The following SASH1 variants were observed in gnomAD, a reference collection of about 807,000 sequenced individuals.
SASH1 encodes SAM and SH3 domain-containing protein 1.
In SASH1, 44 loss-of-function variants were observed where a neutral mutation model predicts 125.2. The ratio of observed to expected loss-of-function variants is 0.35; its 90% CI spans 0.28 to 0.45. The LOEUF (loss-of-function observed/expected upper bound fraction) is 0.45, where lower values mean the gene tolerates loss of function less well. SASH1 is among the 20% of genes least tolerant of loss of function. The pLI is 1.00. For missense variants in SASH1, 1,426 were observed against 1,614.5 expected (o/e 0.88, Z 2.00); for synonymous variants, 639 against 649.1 (o/e 0.98, Z 0.24).
At chr6:148,433,818 G>C (rs930829144) in intron 2 of SASH1, among the ~76,000 whole-genome samples, 2 of 151,948 alleles carry the variant, frequency 1.3e-5, no homozygotes, top group African/African-American at 2.4e-5. Context: ...ATTGTTATCA[G>C]AGTTAACTTT....
At position 148,476,651 on chromosome 6, in the gene SASH1, A is replaced by G. The variant is rs141397305; in HGVS notation, c.627+2429A>G. Among the ~76,000 whole-genome samples, 187 of 152,258 alleles carry G rather than the reference A, an allele frequency of 1.2e-3. 1 individual carries two copies. The highest frequency in any genetic ancestry group is 4.4e-3 in the African/African-American group (182 of 41,560). On this transcript the variant is annotated intron_variant, in intron 7 of 19. Transcript: ENST00000367467. ...GCCAAGATCATGCCGTTGAACTCCAACGTGGGCGAGAGTGAGAATCCATCC... is the reference window on the plus strand; with the variant it reads ...GCCAAGATCATGCCGTTGAACTCCAGCGTGGGCGAGAGTGAGAATCCATCC...
At chr6:148,327,939 TAAA>T (rs569288406) in intron 1 of SASH1, among the ~76,000 whole-genome samples, 17 of 121,276 alleles carry the variant, frequency 1.4e-4, no homozygotes, top group Non-Finnish European at 1.6e-4. Context: ...AGACTCTGTC[TAAA>T]AAAAAAAAAA....
chr6:148,270,013 A>G (rs867235162), upstream of SASH1, among the ~76,000 whole-genome samples: 41 of 148,322 alleles, frequency 2.8e-4, no homozygotes, highest in African/African-American at 9.3e-4. Flanking sequence ...CCATAGACCG[A>G]TATACACTGA....
chr6:148,531,706 ATC>A (rs1322093423), intron 13 of SASH1, 45 bp downstream of exon 13: 1 of 1,456,990 alleles, frequency 6.9e-7, no homozygotes, highest in South Asian at 1.5e-5. Context: ...TGGAGTTAAT[ATC>A]TGACATATAC....
At chr6:148,250,189 C>A in the SASH1 span, among the ~76,000 whole-genome samples, 1 of 152,128 alleles carries the variant, frequency 6.6e-6, no homozygotes, top group Admixed American at 6.5e-5. Flanking sequence ...GGGCACAACA[C>A]CTGGGCATAT....
chr6:148,428,521 C>T (rs927472087), intron 2 of SASH1, among the ~76,000 whole-genome samples: 4 of 147,908 alleles, frequency 2.7e-5, no homozygotes, highest in East Asian at 2.0e-4. Context: ...CCCAGCTACT[C>T]GGGAGGCTGA....
At chr6:148,445,122 C>T (rs6904408) in intron 4 of SASH1, among the ~76,000 whole-genome samples, 64,151 of 151,996 alleles carry the variant, frequency 0.42, 13,766 homozygotes, top group South Asian at 0.68. Context: ...TCACTTTCAT[C>T]GCCATCTTGG....
At chr6:148,354,501 CTT>C (rs1286711727) in intron 1 of SASH1, among the ~76,000 whole-genome samples, 3 of 151,972 alleles carry the variant, frequency 2.0e-5, no homozygotes, top group Admixed American at 6.6e-5. Context: ...TTTGTAGACT[CTT>C]TTCCCAGGGT....
chr6:148,516,017 A>G (rs1780415089), intron 9 of SASH1, among the ~76,000 whole-genome samples: 1 of 152,224 alleles, frequency 6.6e-6, no homozygotes, highest in Non-Finnish European at 1.5e-5. Context: ...CTAAAAATAC[A>G]GACATTGTAA....
chr6:148,299,559 C>G (rs2495948), intron 1 of SASH1, among the ~76,000 whole-genome samples: 10,514 of 151,012 alleles, frequency 0.07, 421 homozygotes, highest in African/African-American at 0.12. Context: ...CCCAGCTACT[C>G]GGGGGGCTCA....
chr6:148,390,657 G>GCA (rs1783668615), intron 2 of SASH1, among the ~76,000 whole-genome samples: 2 of 152,012 alleles, frequency 1.3e-5, no homozygotes, highest in South Asian at 2.1e-4. Flanking sequence ...GCGTGGTGAT[G>GCA]GGTGCCTGTA....
chr6:148,272,513 A>G (rs566272712), intron 1 of SASH1: 24 of 340,512 alleles, frequency 7.0e-5, no homozygotes, highest in Non-Finnish European at 1.6e-4. Context: ...TTTCAGTGCT[A>G]CTGATGAATT....
At chr6:148,445,809 T>C (rs1324077205) in intron 4 of SASH1, among the ~76,000 whole-genome samples, 2 of 152,176 alleles carry the variant, frequency 1.3e-5, no homozygotes, top group Admixed American at 6.5e-5. Context: ...GCCACTCATT[T>C]CCTCGTGCAG....
In SASH1 at chr6:148,377,202, AAAAC is replaced by A. The variant is rs1782947825; in HGVS notation, c.157-12928_157-12925del. On this transcript the variant is annotated intron_variant, in intron 1 of 19. Transcript: ENST00000367467. Reference sequence around the variant, plus strand: ...AAAAAAACAAAAAAAAAACAAAAAAAAAACAAAACAAACAAACAAACAAAAAAAA... The same window carrying A: ...AAAAAAACAAAAAAAAAACAAAAAAAAAAACAAACAAACAAACAAAAAAAA... 7.3e-5 allele frequency among the ~76,000 whole-genome samples: 6 copies of A among 81,844 alleles called. No individual in the cohort carries two copies. In the South Asian group the frequency reaches 1.6e-3, roughly 22 times the overall value. The allele number at this position is 81,844 out of a possible 152,430, so 53.7% of individuals were successfully genotyped here. A position where few individuals can be genotyped will look rare whatever the true frequency, so the allele number is the denominator to read the frequency against.
At chr6:148,434,873 T>G (rs1177620435) in intron 2 of SASH1, among the ~76,000 whole-genome samples, 2 of 152,162 alleles carry the variant, frequency 1.3e-5, no homozygotes, top group Non-Finnish European at 1.5e-5. Flanking sequence ...AATATGCTTT[T>G]TCCAAGCAAA....
intron 1 of SASH1, among the ~76,000 whole-genome samples, chr6:148,279,486 TC>T (rs1352830846): frequency 2.0e-5 from 3 of 152,194 alleles, no homozygotes; most frequent in Non-Finnish European, 4.4e-5. Context: ...CCCGTTAGGT[TC>T]TGGTTGCCAT....
chr6:148,420,067 G>A (rs1482285874), intron 2 of SASH1, among the ~76,000 whole-genome samples: 2 of 152,142 alleles, frequency 1.3e-5, no homozygotes, highest in Non-Finnish European at 2.9e-5. Context: ...ATTGAATAAT[G>A]TACCTTTAAA....
the SASH1 span, among the ~76,000 whole-genome samples, chr6:148,238,296 C>T: frequency 6.6e-6 from 1 of 151,800 alleles, no homozygotes; most frequent in Non-Finnish European, 1.5e-5. Context: ...CAATCTCGGC[C>T]CACCACAACC....
rs1006998222 is a variant in SASH1, at chr6:148,529,191, G to A, written c.1428+1595G>A. ...GCCCACTTCTTAACAGGCCACAGAC[G>A]GGTTCTGGTCCGTGGCCCGGGAGTT... On this transcript the variant is annotated intron_variant, in intron 12 of 19. Transcript: ENST00000367467. This position sits in a 1 kb window ranked among gnomAD's most constrained non-coding sequence, Gnocchi z 4.2. Among the ~76,000 whole-genome samples, 17 of 152,304 alleles carry A rather than the reference G, an allele frequency of 1.1e-4. No homozygotes were observed. The highest frequency in any genetic ancestry group is 3.4e-3 in the Middle Eastern group (1 of 294).
Sources: gnomAD v4.1 joint callset for allele counts (sites outside exome capture counted in the v4.1 genomes callset) on GRCh38, gnomAD v4.1.1 for gene constraint, Gnocchi (gnomAD v3.1) non-coding constraint, MANE v1.5 for transcripts, NCBI Gene and HGNC (gene_info 2026-07-23, HGNC 2026-07-21) for gene names.